GDNF: variants seen among roughly 807,000 people sequenced by gnomAD.
The protein encoded by GDNF is glial cell line-derived neurotrophic factor.
In GDNF, 5 loss-of-function variants were observed where a neutral mutation model predicts 13.7. The ratio of observed to expected loss-of-function variants is 0.36; its 90% CI spans 0.19 to 0.77. The LOEUF (loss-of-function observed/expected upper bound fraction) is 0.77, where lower values mean the gene tolerates loss of function less well. Ranked by LOEUF, GDNF falls within the 30% of genes least tolerant of loss-of-function variation. GDNF has a pLI of 0.51. For synonymous variants in GDNF, 122 were observed against 112.5 expected, an observed-to-expected ratio of 1.08 and a Z score of -0.53; for missense variants, 246 against 274.3, an observed-to-expected ratio of 0.90 and a Z score of 0.73.
chr5:37,823,693 C>A (rs1750216957), intron 2 of GDNF, among the ~76,000 whole-genome samples: 1 of 152,196 alleles, frequency 6.6e-6, no homozygotes, highest in Non-Finnish European at 1.5e-5. Flanking sequence ...GAGTTGGAGA[C>A]AAGAGAGGCC....
At chr5:37,835,875 G>A in intron 1 of GDNF, 1 of 593,006 alleles carries the variant, frequency 1.7e-6, no homozygotes, top group Non-Finnish European at 3.0e-6. Flanking sequence ...GCGCAGAGTA[G>A]GGGGTTCAGC....
intron 2 of GDNF, among the ~76,000 whole-genome samples, chr5:37,818,547 A>C (rs552819968): frequency 1.3e-5 from 2 of 152,272 alleles, no homozygotes; most frequent in East Asian, 3.9e-4. Context: ...GTATTTCTTC[A>C]TAGCAGTAAG....
At chr5:37,835,906 C>G in intron 1 of GDNF, 1 of 557,428 alleles carries the variant, frequency 1.8e-6, no homozygotes, top group Non-Finnish European at 3.2e-6. Flanking sequence ...CCGAGGTGGG[C>G]TCTGTTTGGC....
Position 37,834,929 on chromosome 5 carries a change from C to T in GDNF, c.-26-107G>A, listed in dbSNP as rs532196632. Reference sequence around the variant, plus strand: ...CTCCAACCTCGTCACCGCCCTCCTCCGGCACCGCTGCAGGCCAGCGGCTCC... The same window carrying T: ...CTCCAACCTCGTCACCGCCCTCCTCTGGCACCGCTGCAGGCCAGCGGCTCC... On this transcript the variant is annotated intron_variant, in intron 1 of 2. Transcript: ENST00000326524. The T allele has an allele frequency of 2.3e-5, 23 of 1,009,834 alleles. No homozygotes were observed. In the Admixed American group the frequency reaches 3.2e-4, roughly 14 times the overall value. 62.6% of individuals were successfully genotyped at this position (1,009,834 alleles called of 1,614,324 possible).
chr5:37,832,845 G>A (rs1331454790), intron 2 of GDNF, among the ~76,000 whole-genome samples: 3 of 152,218 alleles, frequency 2.0e-5, no homozygotes, highest in African/African-American at 7.2e-5. Context: ...ATCTCCTGGG[G>A]TGAGACCTAG....
In GDNF at chr5:37,815,582, C is replaced by T. The variant is rs983325701; in HGVS notation, c.*69G>A. 10 of 1,475,212 alleles carry T rather than the reference C, an allele frequency of 6.8e-6. No individual in the cohort carries two copies. Among genetic ancestry groups the T allele is most frequent in the African/African-American group, 2.8e-5 (2 of 70,938 alleles). 91.4% of individuals were successfully genotyped at this position (1,475,212 alleles called of 1,614,324 possible). A position where few individuals can be genotyped will look rare whatever the true frequency, so the allele number is the denominator to read the frequency against. ...ATCTTCCATTCTGGGCAAACATTTC[C>T]TGGGAACCTTGGTCCCTTTCTTTGC... On this transcript the variant is annotated 3_prime_UTR_variant, in exon 3 of 3. Coordinates refer to ENST00000326524, the MANE Select transcript of GDNF (RefSeq NM_000514.4). This position sits in a 1 kb window ranked among gnomAD's most constrained non-coding sequence, Gnocchi z 5.0.
rs932002197 is a variant in GDNF at position 37,814,473 on chromosome 5, A to G, written c.*1178T>C. The G allele has an allele frequency of 2.6e-5, 4 of 152,178 alleles. No individual in the cohort carries two copies. The highest frequency in any genetic ancestry group is 9.7e-5 in the African/African-American group (4 of 41,426). The allele number at this position is 152,178 out of a possible 1,614,324, so 9.4% of individuals were successfully genotyped here. A position where few individuals can be genotyped will look rare whatever the true frequency, so the allele number is the denominator to read the frequency against. On this transcript the variant is annotated 3_prime_UTR_variant, in exon 3 of 3. Coordinates refer to ENST00000326524, the MANE Select transcript of GDNF (RefSeq NM_000514.4). ...GAAATCTGGGGAAAATTAATGACAA[A>G]TTTTCTTAAAAAGGTAAAGTAAGTG...
chr5:37,827,040 TA>T (rs1750347714), intron 2 of GDNF, among the ~76,000 whole-genome samples: 5 of 152,142 alleles, frequency 3.3e-5, no homozygotes, highest in African/African-American at 1.2e-4. Context: ...CATGTGGAAA[TA>T]ATCAGACAGA....
At chr5:37,836,466 G>A (rs1382754294) in intron 1 of GDNF, among the ~76,000 whole-genome samples, 1 of 152,176 alleles carries the variant, frequency 6.6e-6, no homozygotes, top group African/African-American at 2.4e-5. Context: ...GGGCTCGAGA[G>A]GGTGTAGGGA....
chr5:37,835,543 A>C, intron 1 of GDNF: 1 of 1,481,510 alleles, frequency 6.7e-7, no homozygotes, highest in Non-Finnish European at 9.2e-7. Context: ...TCGATTTAAA[A>C]TACTCCTCCC....
Position 37,815,753 on chromosome 5 carries a change from A to G in GDNF, c.534T>C (p.Cys178=), listed in dbSNP as rs774880426. Residue 178 remains cysteine, a synonymous_variant, in exon 3 of 3, where the codon TGT becomes TGC. Transcript: ENST00000326524. This position sits in a 1 kb window ranked among gnomAD's most constrained non-coding sequence, Gnocchi z 5.0. ...RLVSDKVGQA[C]CRPIAFDDDL... ...CATCATCAAAGGCGATGGGTCTGCA[A>G]CATGCCTGCCCTACTTTGTCACTCA... 3.1e-6 allele frequency: 5 copies of G among 1,613,990 alleles called. No homozygotes were observed. The highest frequency in any genetic ancestry group is 4.2e-6 in the Non-Finnish European group (5 of 1,179,964).
chr5:37,832,375 C>A (rs1226935432), intron 2 of GDNF, among the ~76,000 whole-genome samples: 1 of 152,218 alleles, frequency 6.6e-6, no homozygotes, highest in South Asian at 2.1e-4. Context: ...TCAAAGTCTG[C>A]ATACTGTCAT....
intron 1 of GDNF, chr5:37,835,732 G>T: frequency 1.5e-6 from 2 of 1,307,368 alleles, no homozygotes; most frequent in South Asian, 1.3e-5. Context: ...ACCTTTGAGA[G>T]ATTCTGGCCC....
chr5:37,828,665 C>T (rs138744252), intron 2 of GDNF, among the ~76,000 whole-genome samples: 55 of 152,234 alleles, frequency 3.6e-4, no homozygotes, highest in African/African-American at 1.1e-3. Context: ...GTTTGTGACC[C>T]GGAACAACTC....
intron 1 of GDNF, chr5:37,835,840 A>G (rs1750684982): frequency 1.5e-6 from 1 of 654,866 alleles, no homozygotes; most frequent in Non-Finnish European, 2.8e-6. Context: ...GTGCTCTGGC[A>G]CTGGAAGGCC....
intron 2 of GDNF, among the ~76,000 whole-genome samples, chr5:37,833,101 G>A (rs1418937161): frequency 6.6e-6 from 1 of 152,142 alleles, no homozygotes; most frequent in Non-Finnish European, 1.5e-5. Flanking sequence ...AGTTGAACAG[G>A]GCACTAATAC....
intron 2 of GDNF, among the ~76,000 whole-genome samples, chr5:37,823,782 A>G (rs1050157003): frequency 3.3e-5 from 5 of 152,232 alleles, no homozygotes; most frequent in Admixed American, 6.5e-5. Context: ...AGGTCAACTC[A>G]GTGCTCTCTG....
chr5:37,820,097 G>T (rs1750078936), intron 2 of GDNF, among the ~76,000 whole-genome samples: 1 of 152,072 alleles, frequency 6.6e-6, no homozygotes, highest in South Asian at 2.1e-4. Flanking sequence ...CACATCATAG[G>T]CTCTATTCAA....
At chr5:37,831,560 CTCCCATATAAAGTATCCTCCCCT>C (rs1561134755) in intron 2 of GDNF, among the ~76,000 whole-genome samples, 3 of 152,138 alleles carry the variant, frequency 2.0e-5, no homozygotes, top group Non-Finnish European at 4.4e-5. Flanking sequence ...CAAGACCTTC[CTCCCATATAAAGTATCCTCCCCT>C]TCCCATATAA....
Sources: gnomAD v4.1 joint callset for allele counts (sites outside exome capture counted in the v4.1 genomes callset) on GRCh38, gnomAD v4.1.1 for gene constraint, Gnocchi (gnomAD v3.1) non-coding constraint, MANE v1.5 for transcripts, NCBI Gene and HGNC (gene_info 2026-07-23, HGNC 2026-07-21) for gene names.